Variants in FBXL20 observed in about 807,000 individuals in gnomAD.
FBXL20 encodes the protein F-box/LRR-repeat protein 20.
In FBXL20, 11 loss-of-function variants were observed where a neutral mutation model predicts 64.0. The observed-to-expected ratio is 0.17, with a 90% CI of 0.11 to 0.28. The LOEUF (loss-of-function observed/expected upper bound fraction) is 0.28. FBXL20 is among the 10% of genes least tolerant of loss of function. The probability of loss-of-function intolerance (pLI) is 1.00; values close to 1 mark genes in which losing one functional copy is unlikely to be tolerated. For synonymous variants in FBXL20, 184 were observed against 189.0 expected, an observed-to-expected ratio of 0.97 and a Z score of 0.22; for missense variants, 303 against 526.2, an observed-to-expected ratio of 0.58 and a Z score of 4.15.
intron 1 of FBXL20, among the ~76,000 whole-genome samples, chr17:39,384,113 T>C (rs1331871596): frequency 2.0e-5 from 3 of 151,980 alleles, no homozygotes; most frequent in Middle Eastern, 3.4e-3. Flanking sequence ...CATGCGCACA[T>C]GGATTCAGCT....
intron 1 of FBXL20, among the ~76,000 whole-genome samples, chr17:39,367,620 CTTTAA>C (rs1202561711): frequency 6.6e-6 from 1 of 151,908 alleles, no homozygotes; most frequent in Non-Finnish European, 1.5e-5. Flanking sequence ...CCCAGTGAAT[CTTTAA>C]TTTGTTAAAT....
At chr17:39,333,599 G>A (rs1414254552) in intron 2 of FBXL20, among the ~76,000 whole-genome samples, 3 of 152,044 alleles carry the variant, frequency 2.0e-5, no homozygotes, top group Non-Finnish European at 4.4e-5. Flanking sequence ...TCTCTGCCTG[G>A]CCACCCATCG....
At position 39,270,861 on chromosome 17, in the gene FBXL20, TAA is replaced by T. The variant is rs11307198; in HGVS notation, c.828-7_828-6del. The T allele has an allele frequency of 0.1, 132,451 of 1,274,738 alleles. 2 individuals carry two copies. Among genetic ancestry groups the T allele is most frequent in the South Asian group, 0.17 (11,461 of 65,510 alleles). The allele number at this position is 1,274,738 out of a possible 1,614,324, so 79.0% of individuals were successfully genotyped here. A position where few individuals can be genotyped will look rare whatever the true frequency, so the allele number is the denominator to read the frequency against. On this transcript the variant is annotated splice_polypyrimidine_tract_variant and splice_region_variant and intron_variant, in intron 10 of 14. Transcript: ENST00000264658. ...CATCTTGCCACTTCCAATATTCTGT[TAA>T]AAAAAAAAAAAAAACAGTGAAAGTC...
At chr17:39,341,443 T>G (rs1465929128) in intron 2 of FBXL20, among the ~76,000 whole-genome samples, 1 of 152,194 alleles carries the variant, frequency 6.6e-6, no homozygotes, top group Non-Finnish European at 1.5e-5. Flanking sequence ...CAGTCACATA[T>G]CTTCTTTCAG....
At chr17:39,363,826 A>C (rs974438525) in intron 1 of FBXL20, among the ~76,000 whole-genome samples, 3 of 143,402 alleles carry the variant, frequency 2.1e-5, no homozygotes, top group Admixed American at 7.1e-5. Context: ...AAAAAAAAAA[A>C]CAAAAAACAA....
chr17:39,373,676 T>A (rs1029711384), intron 1 of FBXL20, among the ~76,000 whole-genome samples: 3 of 152,196 alleles, frequency 2.0e-5, no homozygotes, highest in African/African-American at 7.2e-5. Context: ...TGCTTATAGT[T>A]CTGTTACAAA....
At chr17:39,314,795 C>CTTTTTT (rs59955109) in intron 2 of FBXL20, among the ~76,000 whole-genome samples, 5 of 125,956 alleles carry the variant, frequency 4.0e-5, no homozygotes, top group Non-Finnish European at 4.9e-5. Flanking sequence ...ATATCCTTTT[C>CTTTTTT]TTTTTTTTTT....
At chr17:39,393,344 G>A (rs1415223039) in intron 1 of FBXL20, among the ~76,000 whole-genome samples, 6 of 151,894 alleles carry the variant, frequency 4.0e-5, no homozygotes, top group East Asian at 1.9e-4. Context: ...AACTGAGAAC[G>A]CTTCCCCAGT....
At chr17:39,323,594 T>A (rs545337268) in intron 2 of FBXL20, among the ~76,000 whole-genome samples, 2 of 152,048 alleles carry the variant, frequency 1.3e-5, no homozygotes, top group African/African-American at 2.4e-5. Flanking sequence ...CAATTGCAAT[T>A]GTACCTTGAA....
intron 2 of FBXL20, among the ~76,000 whole-genome samples, chr17:39,335,033 C>T (rs1270825288): frequency 2.0e-5 from 3 of 151,898 alleles, no homozygotes; most frequent in Admixed American, 6.6e-5. Flanking sequence ...AAATTAACTG[C>T]CTGTTTTTCC....
intron 1 of FBXL20, among the ~76,000 whole-genome samples, chr17:39,372,864 A>G (rs1338799977): frequency 6.6e-6 from 1 of 151,942 alleles, no homozygotes; most frequent in Non-Finnish European, 1.5e-5. Flanking sequence ...ACCTCAGGTG[A>G]TCCACCCGCC....
At chr17:39,372,113 T>C (rs1435096658) in intron 1 of FBXL20, among the ~76,000 whole-genome samples, 3 of 152,162 alleles carry the variant, frequency 2.0e-5, no homozygotes, top group African/African-American at 7.2e-5. Flanking sequence ...CTTTCTCTTT[T>C]CCTTTTTCCC....
chr17:39,275,485 C>A (rs1250555612), intron 9 of FBXL20, among the ~76,000 whole-genome samples: 1 of 151,992 alleles, frequency 6.6e-6, no homozygotes, highest in Non-Finnish European at 1.5e-5. Flanking sequence ...AATCTTGGCT[C>A]ACTGCAACCT....
intron 1 of FBXL20, among the ~76,000 whole-genome samples, chr17:39,359,949 T>C (rs986153703): frequency 6.6e-6 from 1 of 152,156 alleles, no homozygotes; most frequent in Non-Finnish European, 1.5e-5. Flanking sequence ...AAAGCAATTA[T>C]TACATACAGA....
chr17:39,379,592 C>A (rs1192942360), intron 1 of FBXL20, among the ~76,000 whole-genome samples: 1 of 151,536 alleles, frequency 6.6e-6, no homozygotes, highest in East Asian at 1.9e-4. Flanking sequence ...CCAGCCCGGG[C>A]TACACAGCAA....
chr17:39,324,138 A>C (rs1248530158), intron 2 of FBXL20, among the ~76,000 whole-genome samples: 1 of 148,272 alleles, frequency 6.7e-6, no homozygotes, highest in Non-Finnish European at 1.5e-5. Flanking sequence ...CTTACACTTC[A>C]CCGTGTACTA....
At chr17:39,271,425 C>T (rs1213494535) in intron 10 of FBXL20, among the ~76,000 whole-genome samples, 1 of 150,084 alleles carries the variant, frequency 6.7e-6, no homozygotes, top group South Asian at 2.1e-4. Flanking sequence ...CGGTGAAACC[C>T]CATTTCTACC....
intron 6 of FBXL20, among the ~76,000 whole-genome samples, chr17:39,293,689 C>T (rs1343275089): frequency 1.3e-5 from 2 of 152,060 alleles, no homozygotes; most frequent in African/African-American, 2.4e-5. Context: ...CCTTATTAAG[C>T]CCTGGAAATT....
At chr17:39,301,256 A>T (rs1189252633) in intron 3 of FBXL20, among the ~76,000 whole-genome samples, 181 bp from the exon 4 acceptor site, 2 of 152,168 alleles carry the variant, frequency 1.3e-5, no homozygotes, top group Non-Finnish European at 2.9e-5. Flanking sequence ...TTCTCCAATT[A>T]GATAATCTCA....
Sources: allele counts gnomAD v4.1 joint callset (sites outside exome capture counted in the v4.1 genomes callset), GRCh38; gene constraint gnomAD v4.1.1; transcripts MANE v1.5; gene names NCBI Gene and HGNC (gene_info 2026-07-23, HGNC 2026-07-21).